Variants in CSMD1 observed in about 807,000 individuals in gnomAD.
The protein encoded by CSMD1 is CUB and sushi domain-containing protein 1.
CSMD1 carries 213 observed loss-of-function variants against 417.5 expected under a neutral mutation model. The ratio of observed to expected loss-of-function variants is 0.51; its 90% CI spans 0.46 to 0.57. CSMD1 has a LOEUF of 0.57. Ranked by LOEUF, CSMD1 falls within the 20% of genes least tolerant of loss-of-function variation. The pLI, the probability that CSMD1 is intolerant of heterozygous loss-of-function variation, is 0.00. For missense variants in CSMD1, 6,923 were observed against 4,529.7 expected (o/e 1.53, Z -15.17); for synonymous variants, 2,862 against 1,736.8 (o/e 1.65, Z -16.11).
intron 3 of CSMD1, among the ~76,000 whole-genome samples, chr8:4,105,923 T>C (rs971434343): frequency 1.3e-5 from 2 of 152,152 alleles, no homozygotes; most frequent in Non-Finnish European, 2.9e-5. Flanking sequence ...CAGCCCAAGG[T>C]TCGGTGCGTC....
chr8:3,216,469 G>C (rs906745068), intron 29 of CSMD1, among the ~76,000 whole-genome samples: 1 of 151,970 alleles, frequency 6.6e-6, no homozygotes, highest in Non-Finnish European at 1.5e-5. Context: ...TGTCCTTTTT[G>C]ATCATTTTTT....
At chr8:4,006,437 G>T (rs763598596) in intron 4 of CSMD1, among the ~76,000 whole-genome samples, 38 of 152,140 alleles carry the variant, frequency 2.5e-4, no homozygotes, top group African/African-American at 9.2e-4. Flanking sequence ...CCAGCTTCTT[G>T]GGAGGCTGAG....
intron 41 of CSMD1, among the ~76,000 whole-genome samples, chr8:3,137,774 C>A (rs1196917302): frequency 6.6e-6 from 1 of 152,190 alleles, no homozygotes; most frequent in East Asian, 1.9e-4. Context: ...GGAAACACAA[C>A]CATGTGTTGT....
chr8:3,896,357 A>G (rs1056977876), intron 5 of CSMD1, among the ~76,000 whole-genome samples: 1 of 152,206 alleles, frequency 6.6e-6, no homozygotes, highest in African/African-American at 2.4e-5. Context: ...TTAGCAAAAC[A>G]TTAAGACTAA....
chr8:4,641,920 T>G (rs1290845819), intron 1 of CSMD1, among the ~76,000 whole-genome samples: 1 of 152,196 alleles, frequency 6.6e-6, no homozygotes, highest in Non-Finnish European at 1.5e-5. Context: ...TTACCAAAGA[T>G]AATTATTGCT....
intron 1 of CSMD1, among the ~76,000 whole-genome samples, chr8:4,970,982 G>T (rs1323313293): frequency 1.3e-5 from 2 of 152,120 alleles, no homozygotes; most frequent in Non-Finnish European, 2.9e-5. Context: ...AATAATAAGA[G>T]TGTTATTTAT....
intron 3 of CSMD1, among the ~76,000 whole-genome samples, chr8:4,409,834 G>C (rs547793226): frequency 6.6e-6 from 1 of 152,034 alleles, no homozygotes; most frequent in Non-Finnish European, 1.5e-5. Context: ...TTGTCTTTGA[G>C]ACAGAGTCTC....
intron 25 of CSMD1, among the ~76,000 whole-genome samples, chr8:3,293,741 C>T (rs1441734984): frequency 6.6e-6 from 1 of 152,056 alleles, no homozygotes; most frequent in Non-Finnish European, 1.5e-5. Context: ...ATTTTTTTTA[C>T]AAGGTTTTTA....
At chr8:4,168,156 C>T (rs868584099) in intron 3 of CSMD1, among the ~76,000 whole-genome samples, 1,532 of 150,732 alleles carry the variant, frequency 0.01, 19 homozygotes, top group African/African-American at 0.032. Context: ...TACACACACA[C>T]ACACACACAC....
At chr8:3,255,561 G>A (rs992876927) in intron 26 of CSMD1, among the ~76,000 whole-genome samples, 2 of 152,196 alleles carry the variant, frequency 1.3e-5, no homozygotes, top group Non-Finnish European at 2.9e-5. Flanking sequence ...TCAAGCCTGT[G>A]CAATGGTGGA....
chr8:3,086,568 A>G (rs1015559264), intron 49 of CSMD1, among the ~76,000 whole-genome samples: 5 of 152,186 alleles, frequency 3.3e-5, no homozygotes, highest in African/African-American at 4.8e-5. Context: ...AAAGCCTTCA[A>G]TTAAAATTAA....
chr8:4,709,479 CA>C (rs1808155268), intron 1 of CSMD1, among the ~76,000 whole-genome samples: 1 of 152,210 alleles, frequency 6.6e-6, no homozygotes, highest in South Asian at 2.1e-4. Context: ...ACGTAAGGAA[CA>C]GGGGGAGCCT....
intron 3 of CSMD1, among the ~76,000 whole-genome samples, chr8:4,211,785 T>G (rs1214904888): frequency 1.3e-5 from 2 of 152,208 alleles, no homozygotes; most frequent in Non-Finnish European, 1.5e-5. Context: ...TTCTTCAAAC[T>G]GTTTTTACAT....
rs1802227315 is a variant in CSMD1, at chr8:2,946,246, A to G, written c.10402+3053T>C. On this transcript the variant is annotated intron_variant, in intron 68 of 69. Coordinates refer to ENST00000635120, the MANE Select transcript of CSMD1 (RefSeq NM_033225.6). Reference sequence around the variant, plus strand: ...TCATTATGCGATGCGTGACTGTCCTATATAATTCATCCACTTAAGCTGAAC... The same window carrying G: ...TCATTATGCGATGCGTGACTGTCCTGTATAATTCATCCACTTAAGCTGAAC... 2.0e-5 allele frequency among the ~76,000 whole-genome samples: 3 copies of G among 152,212 alleles called. No individual in the cohort carries two copies. In the South Asian group the frequency reaches 6.2e-4, roughly 32 times the overall value.
intron 1 of CSMD1, among the ~76,000 whole-genome samples, chr8:4,778,863 G>A (rs1162629463): frequency 2.0e-5 from 3 of 152,182 alleles, no homozygotes; most frequent in African/African-American, 7.2e-5. Context: ...TTCAAGAACT[G>A]CTATACAATG....
chr8:4,486,096 C>CAT (rs1801363124), intron 2 of CSMD1, among the ~76,000 whole-genome samples: 3 of 145,684 alleles, frequency 2.1e-5, no homozygotes, highest in African/African-American at 7.7e-5. Flanking sequence ...TTTCATCATA[C>CAT]ATATATATGT....
intron 11 of CSMD1, 61 bp from the exon 12 acceptor site, chr8:3,468,885 T>C (rs984557769): frequency 3.6e-6 from 4 of 1,115,538 alleles, no homozygotes; most frequent in Admixed American, 2.0e-5. Flanking sequence ...GACTTCCACC[T>C]GAAAGGAGGG....
At chr8:4,221,860 A>T (rs907746585) in intron 3 of CSMD1, among the ~76,000 whole-genome samples, 2 of 152,172 alleles carry the variant, frequency 1.3e-5, no homozygotes, top group African/African-American at 4.8e-5. Context: ...TACACTCAGG[A>T]AGGATATTAG....
At chr8:3,975,320 C>A (rs1813358913) in intron 5 of CSMD1, among the ~76,000 whole-genome samples, 1 of 152,120 alleles carries the variant, frequency 6.6e-6, no homozygotes, top group Non-Finnish European at 1.5e-5. Context: ...GCCCTTAGAA[C>A]AGTTTGGATG....
Sources: allele counts gnomAD v4.1 joint callset (sites outside exome capture counted in the v4.1 genomes callset), GRCh38; gene constraint gnomAD v4.1.1; transcripts MANE v1.5; gene names NCBI Gene and HGNC (gene_info 2026-07-23, HGNC 2026-07-21).